Variants in POTEJ observed in about 807,000 individuals in gnomAD.
The protein encoded by POTEJ is POTE ankyrin domain family, member J.
A neutral mutation model predicts 69.0 loss-of-function variants in POTEJ; 11 were observed. The observed-to-expected ratio is 0.16, with a 90% CI of 0.10 to 0.26. POTEJ has a LOEUF of 0.26. POTEJ is among the 10% of genes least tolerant of loss of function. The pLI is 1.00. For synonymous variants in POTEJ, 117 were observed against 381.1 expected, an observed-to-expected ratio of 0.31 and a Z score of 8.07; for missense variants, 327 against 1,045.5, an observed-to-expected ratio of 0.31 and a Z score of 9.48.
intron 6 of POTEJ, among the ~76,000 whole-genome samples, 198 bp downstream of exon 6, chr2:130,624,332 C>T (rs1367378096): frequency 1.4e-5 from 2 of 141,248 alleles, no homozygotes; most frequent in Non-Finnish European, 3.0e-5. Flanking sequence ...AATTACACAA[C>T]TTACCATAAT....
intron 9 of POTEJ, among the ~76,000 whole-genome samples, chr2:130,636,359 G>GA (rs1283092908): frequency 1.1e-4 from 17 of 151,088 alleles, no homozygotes; most frequent in Non-Finnish European, 1.8e-4. Context: ...AAGGTTCAAT[G>GA]AAACAAAGTG....
chr2:130,611,792 A>C lies in POTEJ; in HGVS notation c.260A>C (p.Asp87Ala), dbSNP rs1685219487. ...KSNVGAWGDY[D>A]DSAFVEPRYH... ...AACGTGGGTGCTTGGGGAGACTACG[A>C]CGACAGCGCCTTCGTGGAGCCGAGA... Residue 87 changes from aspartate to alanine, a missense_variant, in exon 1 of 15, where the codon GAC (aspartate) becomes GCC (alanine). Coordinates refer to ENST00000409602, the MANE Select transcript of POTEJ (RefSeq NM_001277083.2). 1 of 1,498,564 alleles carries C rather than the reference A, an allele frequency of 6.7e-7. No individual in the cohort carries two copies. The allele number at this position is 1,498,564 out of a possible 1,614,324, so 92.8% of individuals were successfully genotyped here.
intron 10 of POTEJ, among the ~76,000 whole-genome samples, chr2:130,643,192 G>GGAAAGACATGCA (rs1402737785): frequency 4.8e-5 from 7 of 145,776 alleles, no homozygotes; most frequent in African/African-American, 1.3e-4. Flanking sequence ...GTTTATCTGG[G>GGAAAGACATGCA]GAAAGACATG....
intron 10 of POTEJ, among the ~76,000 whole-genome samples, chr2:130,640,586 G>A (rs568268992): frequency 5.3e-5 from 8 of 151,980 alleles, no homozygotes; most frequent in African/African-American, 1.7e-4. Flanking sequence ...TGGCTAATCC[G>A]CAGCAGCTCC....
At chr2:130,640,097 TA>T (rs1686292211) in intron 10 of POTEJ, among the ~76,000 whole-genome samples, 1 of 149,646 alleles carries the variant, frequency 6.7e-6, no homozygotes, top group African/African-American at 2.5e-5. Flanking sequence ...GGATTTAATG[TA>T]AGCATGCAGA....
At chr2:130,632,921 A>T (rs1313144201) in intron 9 of POTEJ, among the ~76,000 whole-genome samples, 1 of 144,744 alleles carries the variant, frequency 6.9e-6, no homozygotes, top group Non-Finnish European at 1.5e-5. Context: ...TTTCAGGGGT[A>T]CATGTGCAGG....
chr2:130,649,845 A>G (rs1686741664), intron 13 of POTEJ, among the ~76,000 whole-genome samples: 1 of 150,968 alleles, frequency 6.6e-6, no homozygotes, highest in Admixed American at 6.6e-5. Flanking sequence ...TTTTCCCCAG[A>G]TATTCTTCTA....
rs1423592096 is a variant in POTEJ at position 130,657,572 on chromosome 2, C to T, written c.2812C>T (p.His938Tyr). ...CFLGMESCGI[H>Y]ETTFNSIMKS... ...CCTGGGCATGGAATCCTGTGGCATC[C>T]ATGAAACTACCTTCAACTCCATCAT... Residue 938 changes from histidine (H) to tyrosine (Y), a missense_variant, in exon 15 of 15, where the codon CAT (histidine) becomes TAT (tyrosine). Coordinates refer to ENST00000409602, the MANE Select transcript of POTEJ (RefSeq NM_001277083.2). 1.9e-6 allele frequency: 3 copies of T among 1,549,068 alleles called. 1 individual carries two copies. The highest frequency in any genetic ancestry group is 2.6e-6 in the Non-Finnish European group (3 of 1,138,470).
At chr2:130,640,920 A>G (rs1207515622) in intron 10 of POTEJ, among the ~76,000 whole-genome samples, 3 of 152,084 alleles carry the variant, frequency 2.0e-5, no homozygotes, top group Admixed American at 6.5e-5. Flanking sequence ...CATTGGAGAA[A>G]TTTGAGCAGG....
intron 13 of POTEJ, among the ~76,000 whole-genome samples, chr2:130,649,323 A>C (rs1686714699): frequency 6.6e-6 from 1 of 152,206 alleles, no homozygotes; most frequent in Non-Finnish European, 1.5e-5. Flanking sequence ...CAACTCTTCC[A>C]GTTGCTCTGC....
In POTEJ at chr2:130,656,569, A is replaced by G; in HGVS notation, c.1809A>G (p.Lys603=). 1 of 1,609,512 alleles carries G rather than the reference A, an allele frequency of 6.2e-7. No homozygotes were observed. The highest frequency in any genetic ancestry group is 1.1e-5 in the South Asian group (1 of 90,986). The change falls in exon 15 of 15, where the codon AAA becomes AAG. Residue 603 remains lysine (K), a synonymous_variant. Transcript: ENST00000409602. ...MNSELSLSCK[K]ERDFLHENSM... is the part of the protein sequence containing the mutation. The stretch of plus-strand genomic sequence containing the variant: ...CTTAGCTTTCTCTTAGTTGTAAGAA[A>G]GAAAGAGACTTCTTGCATGAAAATA...
In POTEJ at chr2:130,643,199, C is replaced by A. The variant is rs1282039889; in HGVS notation, c.1370-784C>A. Among the ~76,000 whole-genome samples, 6 of 145,832 alleles carry A rather than the reference C, an allele frequency of 4.1e-5. 1 individual carries two copies. The highest frequency in any genetic ancestry group is 1.3e-4 in the African/African-American group (5 of 39,370). On this transcript the variant is annotated intron_variant, in intron 10 of 14. Coordinates refer to ENST00000409602, the MANE Select transcript of POTEJ (RefSeq NM_001277083.2). ...AGGTACCTGTTTATCTGGGGAAAGA[C>A]ATGCAGAATGAAGGAAGACTTCACA... is the stretch of plus-strand genomic sequence containing the variant.
chr2:130,642,364 C>T (rs762500081), intron 10 of POTEJ, among the ~76,000 whole-genome samples: 8,846 of 80,382 alleles, frequency 0.11, no homozygotes, highest in Non-Finnish European at 0.17. Flanking sequence ...TCTGAATTCA[C>T]GACTGTTAAT....
chr2:130,613,101 A>T (rs1685272799), intron 1 of POTEJ, among the ~76,000 whole-genome samples: 1 of 139,566 alleles, frequency 7.2e-6, no homozygotes. Context: ...ATTGTTCATA[A>T]TTCATTTTTG....
chr2:130,632,940 A>G (rs1316222068), intron 9 of POTEJ, among the ~76,000 whole-genome samples: 2 of 147,270 alleles, frequency 1.4e-5, no homozygotes, highest in African/African-American at 5.2e-5. Context: ...GGGTTATTAT[A>G]TAGGTAAAGT....
chr2:130,638,876 A>G (rs1288738097), intron 10 of POTEJ, among the ~76,000 whole-genome samples, 187 bp downstream of exon 10: 1 of 152,290 alleles, frequency 6.6e-6, no homozygotes, highest in Non-Finnish European at 1.5e-5. Flanking sequence ...ATATAATAAA[A>G]TAATTATACA....
chr2:130,650,120 T>G (rs1336277680), intron 13 of POTEJ, among the ~76,000 whole-genome samples: 1 of 152,286 alleles, frequency 6.6e-6, no homozygotes, highest in African/African-American at 2.4e-5. Flanking sequence ...CTAACGTAAT[T>G]GAGGGAAGTT....
rs534568991 is a variant in POTEJ at position 130,631,957 on chromosome 2, T to C, written c.1131+504T>C. 8.1e-3 allele frequency among the ~76,000 whole-genome samples: 1,155 copies of C among 142,628 alleles called. 134 individuals carry two copies. The highest frequency in any genetic ancestry group is 0.029 in the African/African-American group (1,038 of 35,458). 93.6% of individuals were successfully genotyped at this position (142,628 alleles called of 152,430 possible). A position where few individuals can be genotyped will look rare whatever the true frequency, so the allele number is the denominator to read the frequency against. On this transcript the variant is annotated intron_variant, in intron 8 of 14. Transcript: ENST00000409602. The stretch of plus-strand genomic sequence containing the variant: ...TGAGCACCATCATGTTTTTGATATC[T>C]CAGCAACCAAATGAAAAAAGAATGC...
Position 130,657,405 on chromosome 2 carries a change from T to A in POTEJ, c.2645T>A (p.Val882Asp), listed in dbSNP as rs1191649803. 1 of 1,594,138 alleles carries A rather than the reference T, an allele frequency of 6.3e-7. No homozygotes were observed. Among genetic ancestry groups the A allele is most frequent in the East Asian group, 2.2e-5 (1 of 44,856 alleles). The change falls in exon 15 of 15, where the codon GTT (valine) becomes GAT (aspartate). Residue 882 changes from valine (V) to aspartate (D), a missense_variant. Val to Asp is a radical substitution (Grantham distance 152). Transcript: ENST00000409602. ...GACATCAAAGAGAAGCTGTGCTATGTTGCCCTGGACTTCGAGCAGGAGATG... is the reference window on the plus strand; with the variant it reads ...GACATCAAAGAGAAGCTGTGCTATGATGCCCTGGACTTCGAGCAGGAGATG... ...VRDIKEKLCYVALDFEQEMAM... is the reference protein window; with the variant it reads ...VRDIKEKLCYDALDFEQEMAM...
Sources: gnomAD v4.1 joint callset for allele counts (sites outside exome capture counted in the v4.1 genomes callset) on GRCh38, gnomAD v4.1.1 for gene constraint, MANE v1.5 for transcripts, NCBI Gene and HGNC (gene_info 2026-07-23, HGNC 2026-07-21) for gene names.